TEX36: variants seen among roughly 807,000 people sequenced by gnomAD.
The protein encoded by TEX36 is testis-expressed protein 36.
A neutral mutation model predicts 13.6 loss-of-function variants in TEX36; 12 were observed. The ratio of observed to expected loss-of-function variants is 0.88; its 90% CI spans 0.56 to 1.43. The LOEUF (loss-of-function observed/expected upper bound fraction) is 1.43. TEX36 is among the 40% of genes most tolerant of loss of function. TEX36 has a pLI of 0.00. For missense variants in TEX36, 224 were observed against 228.3 expected (o/e 0.98, Z 0.12); for synonymous variants, 93 against 83.0 (o/e 1.12, Z -0.65).
intron 3 of TEX36, among the ~76,000 whole-genome samples, chr10:125,608,426 G>C (rs1162659511): frequency 1.3e-5 from 2 of 152,198 alleles, no homozygotes; most frequent in African/African-American, 4.8e-5. Context: ...GAAAACAACA[G>C]TCATTGATTA....
At chr10:125,592,867 C>CAACA (rs1846038455) in intron 3 of TEX36, among the ~76,000 whole-genome samples, 1 of 152,192 alleles carries the variant, frequency 6.6e-6, no homozygotes. Flanking sequence ...GGATAGAGAA[C>CAACA]AACAGCTAGA....
At position 125,656,726 on chromosome 10, in the gene TEX36, T is replaced by C. The variant is rs538897713; in HGVS notation, c.265-530A>G. Among the ~76,000 whole-genome samples the C allele has an allele frequency of 3.0e-4, 46 of 152,304 alleles. 1 individual carries two copies. The highest frequency in any genetic ancestry group is 1.1e-3 in the African/African-American group (46 of 41,576). The stretch of plus-strand genomic sequence containing the variant: ...TTCTGTTATTGTCCTCACAGTCTTC[T>C]GGTGCCACCAAGGGGCCTGCACTTT... On this transcript the variant is annotated intron_variant, in intron 3 of 3. Coordinates refer to ENST00000368821, the MANE Select transcript of TEX36 (RefSeq NM_001128202.3).
At chr10:125,622,917 G>A (rs1265844374) in intron 3 of TEX36, among the ~76,000 whole-genome samples, 3 of 152,186 alleles carry the variant, frequency 2.0e-5, no homozygotes, top group African/African-American at 7.2e-5. Flanking sequence ...GCGTCTCCTG[G>A]TGACAGCATT....
chr10:125,648,109 T>A (rs1460112102), intron 3 of TEX36, among the ~76,000 whole-genome samples: 1 of 152,198 alleles, frequency 6.6e-6, no homozygotes, highest in African/African-American at 2.4e-5. Context: ...CAGCAGAAAC[T>A]TCTGCAGACT....
chr10:125,607,528 G>C (rs548782644), intron 3 of TEX36, among the ~76,000 whole-genome samples: 8 of 152,254 alleles, frequency 5.3e-5, no homozygotes, highest in Admixed American at 2.6e-4. Flanking sequence ...CCTGAGCAAT[G>C]ATCCCAAGAG....
rs547184740 is a variant in TEX36, at chr10:125,626,509, C to T, written c.265-4864G>A. Among the ~76,000 whole-genome samples the T allele has an allele frequency of 5.9e-5, 9 of 152,336 alleles. No individual in the cohort carries two copies. In the East Asian group the frequency reaches 1.5e-3, roughly 26 times the overall value. On this transcript the variant is annotated intron_variant, in intron 3 of 3. Coordinates refer to the TEX36 transcript ENST00000526819. ...CATTTACTCCTCATCCAACAGACAT[C>T]GTGAATGCTTGCTCCACACAGAAGT...
At chr10:125,625,917 G>A (rs903792838) in intron 3 of TEX36, among the ~76,000 whole-genome samples, 1 of 152,222 alleles carries the variant, frequency 6.6e-6, no homozygotes, top group African/African-American at 2.4e-5. Flanking sequence ...TTCTGTCGGA[G>A]TTGGTATAGT....
At chr10:125,655,135 T>C (rs879144267), downstream of TEX36, among the ~76,000 whole-genome samples, 1 of 152,112 alleles carries the variant, frequency 6.6e-6, no homozygotes, top group Non-Finnish European at 1.5e-5. Flanking sequence ...CAAGACACAT[T>C]ATTAAGTATC....
intron 3 of TEX36, among the ~76,000 whole-genome samples, chr10:125,625,161 C>T (rs1026384787): frequency 6.6e-6 from 1 of 152,228 alleles, no homozygotes; most frequent in African/African-American, 2.4e-5. Context: ...GACACGCAGA[C>T]GATATGCGTG....
At chr10:125,658,636 C>A (rs529322388) in intron 3 of TEX36, among the ~76,000 whole-genome samples, 40 of 152,144 alleles carry the variant, frequency 2.6e-4, no homozygotes, top group African/African-American at 9.6e-4. Context: ...CAAAGATAAT[C>A]TCATAATTCA....
chr10:125,624,926 C>T (rs1388321187), intron 3 of TEX36, among the ~76,000 whole-genome samples: 1 of 152,114 alleles, frequency 6.6e-6, no homozygotes, highest in Non-Finnish European at 1.5e-5. Context: ...AGGCAAGAGC[C>T]GTCAACACAG....
intron 3 of TEX36, among the ~76,000 whole-genome samples, chr10:125,649,076 C>A (rs1250953490): frequency 3.3e-5 from 5 of 152,162 alleles, no homozygotes; most frequent in Non-Finnish European, 5.9e-5. Context: ...ACTTGGAAAA[C>A]CTCTTCAGGA....
chr10:125,661,174 T>C (rs925774524), intron 2 of TEX36, 73 bp from the exon 3 acceptor site: 1 of 1,273,950 alleles, frequency 7.8e-7, no homozygotes, highest in African/African-American at 1.5e-5. Context: ...GATCGGGTGA[T>C]GTGGAAGGAA....
intron 1 of TEX36, among the ~76,000 whole-genome samples, chr10:125,663,178 A>G (rs1319661730): frequency 6.6e-6 from 1 of 152,212 alleles, no homozygotes; most frequent in Non-Finnish European, 1.5e-5. Context: ...TAAAATGGGA[A>G]TAATAATACC....
At chr10:125,637,875 T>C (rs1246697354) in intron 3 of TEX36, among the ~76,000 whole-genome samples, 3 of 152,052 alleles carry the variant, frequency 2.0e-5, no homozygotes, top group Non-Finnish European at 4.4e-5. Flanking sequence ...AGCTGCTGAG[T>C]TCTGTTGGAA....
At chr10:125,603,932 G>C (rs1043979719) in intron 3 of TEX36, among the ~76,000 whole-genome samples, 1 of 152,138 alleles carries the variant, frequency 6.6e-6, no homozygotes, top group Admixed American at 6.5e-5. Context: ...TCTGGCTCTT[G>C]TACTGCACTG....
At chr10:125,615,881 T>C (rs979720378) in intron 3 of TEX36, among the ~76,000 whole-genome samples, 2 of 152,228 alleles carry the variant, frequency 1.3e-5, no homozygotes, top group Non-Finnish European at 2.9e-5. Flanking sequence ...CTGGTACCTC[T>C]GCTAGAATTC....
chr10:125,599,072 T>C (rs952115080), intron 3 of TEX36, among the ~76,000 whole-genome samples: 1 of 152,194 alleles, frequency 6.6e-6, no homozygotes, highest in East Asian at 1.9e-4. Context: ...CACTGAAAGA[T>C]GAAAAGGTAC....
downstream of TEX36, among the ~76,000 whole-genome samples, chr10:125,621,442 T>C (rs887032121): frequency 1.3e-5 from 2 of 152,126 alleles, no homozygotes; most frequent in Non-Finnish European, 2.9e-5. Context: ...ATGTCCCTAA[T>C]GATTAGTGAC....
Sources: allele counts gnomAD v4.1 joint callset (sites outside exome capture counted in the v4.1 genomes callset), GRCh38; gene constraint gnomAD v4.1.1; transcripts MANE v1.5; gene names NCBI Gene and HGNC (gene_info 2026-07-23, HGNC 2026-07-21).